The following RGS7 variants were observed in gnomAD, a reference collection of about 807,000 sequenced individuals.
The protein encoded by RGS7 is regulator of G-protein signaling 7.
Under a neutral mutation model 81.1 loss-of-function variants are expected in RGS7, and 27 were observed. The observed-to-expected ratio is 0.33, with a 90% CI of 0.25 to 0.46. The LOEUF (loss-of-function observed/expected upper bound fraction) is 0.46. Among genes scored for constraint, RGS7 ranks in the 20% least tolerant of loss-of-function variants. The pLI, the probability that RGS7 is intolerant of heterozygous loss-of-function variation, is 1.00. For synonymous variants in RGS7, 208 were observed against 207.7 expected (o/e 1.00, Z -0.01); for missense variants, 396 against 607.4 (o/e 0.65, Z 3.66).
chr1:240,998,713 T>C (rs1402348273), intron 3 of RGS7: 5 of 1,085,288 alleles, frequency 4.6e-6, no homozygotes, highest in Non-Finnish European at 1.4e-6. Context: ...AGGGCATTGA[T>C]CTTATTCTCC....
intron 2 of RGS7, among the ~76,000 whole-genome samples, chr1:241,264,217 G>A (rs2077474302): frequency 6.6e-6 from 1 of 152,074 alleles, no homozygotes; most frequent in African/African-American, 2.4e-5. Flanking sequence ...ATGACATTAG[G>A]CCAGGCGCAG....
At chr1:241,246,518 G>A (rs944558307) in intron 2 of RGS7, among the ~76,000 whole-genome samples, 3 of 152,060 alleles carry the variant, frequency 2.0e-5, no homozygotes, top group African/African-American at 7.2e-5. Context: ...AGTTTAAGAA[G>A]GCATGTGTTA....
chr1:240,817,625 C>T (rs186575518), intron 10 of RGS7, among the ~76,000 whole-genome samples: 2 of 152,152 alleles, frequency 1.3e-5, no homozygotes, highest in Non-Finnish European at 2.9e-5. Context: ...TTTTTTGAGA[C>T]AGAGTCTCAT....
chr1:240,943,497 A>G (rs962259362), intron 4 of RGS7, among the ~76,000 whole-genome samples: 3 of 152,240 alleles, frequency 2.0e-5, no homozygotes, highest in Non-Finnish European at 2.9e-5. Flanking sequence ...TGTCACATTC[A>G]GGAGCACTTA....
intron 9 of RGS7, among the ~76,000 whole-genome samples, chr1:240,836,996 G>A (rs1318268699): frequency 1.3e-5 from 2 of 152,124 alleles, no homozygotes; most frequent in Non-Finnish European, 2.9e-5. Context: ...CCTTTTTATA[G>A]ACTAGGAATT....
chr1:241,102,433 C>G (rs61832552), intron 2 of RGS7, among the ~76,000 whole-genome samples: 19,069 of 152,138 alleles, frequency 0.13, 1,384 homozygotes, highest in African/African-American at 0.18. Context: ...CCACTATCAG[C>G]CTTTCTTCCC....
At position 241,000,814 on chromosome 1, in the gene RGS7, ATTTTTT is replaced by A. The variant is rs10691671; in HGVS notation, c.176-17691_176-17686del. 3.3e-3 allele frequency among the ~76,000 whole-genome samples: 427 copies of A among 130,346 alleles called. 2 individuals are homozygous for A. Among genetic ancestry groups the A allele is most frequent in the South Asian group, 0.014 (54 of 3,942 alleles). 85.5% of individuals were successfully genotyped at this position (130,346 alleles called of 152,430 possible). A position where few individuals can be genotyped will look rare whatever the true frequency, so the allele number is the denominator to read the frequency against. On this transcript the variant is annotated intron_variant, in intron 3 of 18. Coordinates refer to ENST00000440928, the MANE Select transcript of RGS7 (RefSeq NM_001364886.1). ...AGGTGCGTGCCACCACACCCAGCTA[ATTTTTT>A]TTTTTTTTTTTTTTTTAGTAGAAAC...
chr1:241,025,292 T>C (rs2059730610), intron 3 of RGS7, among the ~76,000 whole-genome samples: 2 of 152,198 alleles, frequency 1.3e-5, no homozygotes, highest in Non-Finnish European at 2.9e-5. Flanking sequence ...GGTAATTAGA[T>C]AGTGCTATCT....
intron 2 of RGS7, among the ~76,000 whole-genome samples, chr1:241,212,359 G>C (rs557582841): frequency 6.6e-6 from 1 of 152,240 alleles, no homozygotes; most frequent in East Asian, 1.9e-4. Flanking sequence ...TGTCACCTGA[G>C]AGGTGACACA....
intron 9 of RGS7, among the ~76,000 whole-genome samples, chr1:240,835,929 C>T (rs1189680856): frequency 6.6e-6 from 1 of 152,046 alleles, no homozygotes; most frequent in Non-Finnish European, 1.5e-5. Context: ...TCAGTGGTTG[C>T]CAAGGGTTGG....
intron 18 of RGS7, among the ~76,000 whole-genome samples, chr1:240,789,066 G>C (rs1051636979): frequency 2.0e-5 from 3 of 152,192 alleles, no homozygotes; most frequent in African/African-American, 7.2e-5. Flanking sequence ...CATGGCAGAA[G>C]AACATAAATT....
intron 9 of RGS7, among the ~76,000 whole-genome samples, chr1:240,846,476 G>A (rs1365377770): frequency 6.6e-6 from 1 of 152,156 alleles, no homozygotes; most frequent in African/African-American, 2.4e-5. Context: ...ACAGGTTACT[G>A]TAAGGTGGTT....
At position 241,130,266 on chromosome 1, in the gene RGS7, T is replaced by C. The variant is rs568268712; in HGVS notation, c.79-31504A>G. On this transcript the variant is annotated intron_variant, in intron 2 of 18. Coordinates refer to ENST00000440928, the MANE Select transcript of RGS7 (RefSeq NM_001364886.1). Reference sequence around the variant, plus strand: ...TTAGATAAAAAGCCCAAAAATAATATACTTCACCAGATGTTCCTTTAATTT... The same window carrying C: ...TTAGATAAAAAGCCCAAAAATAATACACTTCACCAGATGTTCCTTTAATTT... Among the ~76,000 whole-genome samples, 8 of 152,196 alleles carry C rather than the reference T, an allele frequency of 5.3e-5. No individual in the cohort carries two copies. The South Asian group carries it at 1.0e-3, about 20-fold the overall frequency.
chr1:240,972,481 G>T lies in RGS7; in HGVS notation c.226+10598C>A, dbSNP rs184191283. Among the ~76,000 whole-genome samples, 158 of 132,742 alleles carry T rather than the reference G, an allele frequency of 1.2e-3. 6 individuals are homozygous for T. The East Asian group carries it at 0.029, about 25-fold the overall frequency. 87.1% of individuals were successfully genotyped at this position (132,742 alleles called of 152,430 possible). Reference sequence around the variant, plus strand: ...AAACACCGCATATTCTCACTCATAGGTGGGAATTGAACAATGAGATCACAT... The same window carrying T: ...AAACACCGCATATTCTCACTCATAGTTGGGAATTGAACAATGAGATCACAT... On this transcript the variant is annotated intron_variant, in intron 4 of 18. Transcript: ENST00000440928.
At chr1:241,327,130 G>GAAAGAAAGAAAGA (rs1558321615) in intron 2 of RGS7, among the ~76,000 whole-genome samples, 1 of 101,848 alleles carries the variant, frequency 9.8e-6, no homozygotes, top group African/African-American at 3.3e-5. Flanking sequence ...AAGAAAGAAA[G>GAAAGAAAGAAAGA]AAAGAAAGAA....
intron 2 of RGS7, among the ~76,000 whole-genome samples, chr1:241,304,823 G>C (rs1013647380): frequency 6.6e-6 from 1 of 152,182 alleles, no homozygotes; most frequent in East Asian, 1.9e-4. Flanking sequence ...GTTTGAGGAA[G>C]TCATGAGATT....
chr1:241,354,735 T>C (rs1429445842), intron 2 of RGS7, among the ~76,000 whole-genome samples: 1 of 152,228 alleles, frequency 6.6e-6, no homozygotes, highest in Non-Finnish European at 1.5e-5. Flanking sequence ...TTTTCTCTAA[T>C]TAAAGCCTTT....
intron 3 of RGS7, among the ~76,000 whole-genome samples, chr1:241,054,779 A>G (rs1223234912): frequency 6.6e-6 from 1 of 152,218 alleles, no homozygotes; most frequent in Non-Finnish European, 1.5e-5. Context: ...AGCAAATCCA[A>G]TCATGTCTTA....
intron 6 of RGS7, among the ~76,000 whole-genome samples, chr1:240,928,955 G>C (rs1211983022): frequency 2.0e-5 from 3 of 152,188 alleles, no homozygotes; most frequent in Admixed American, 6.5e-5. Context: ...GTATCTGCCA[G>C]GCAATAATGA....
Sources: gnomAD v4.1 joint callset for allele counts (sites outside exome capture counted in the v4.1 genomes callset) on GRCh38, gnomAD v4.1.1 for gene constraint, MANE v1.5 for transcripts, NCBI Gene and HGNC (gene_info 2026-07-23, HGNC 2026-07-21) for gene names.